SEC22C: variants seen among roughly 807,000 people sequenced by gnomAD.
The protein encoded by SEC22C is vesicle-trafficking protein SEC22c.
A neutral mutation model predicts 34.7 loss-of-function variants in SEC22C; 29 were observed. The observed-to-expected ratio is 0.84, with a 90% CI of 0.62 to 1.14. The LOEUF (loss-of-function observed/expected upper bound fraction) is 1.14, where lower values mean the gene tolerates loss of function less well. Among genes scored for constraint, SEC22C ranks in the 50% most tolerant of loss-of-function variants. SEC22C has a pLI of 0.00. For synonymous variants in SEC22C, 117 were observed against 132.8 expected (o/e 0.88, Z 0.82); for missense variants, 337 against 369.0 (o/e 0.91, Z 0.71).
At position 42,549,245 on chromosome 3, in the gene SEC22C, C is replaced by T. The variant is rs1702133423; in HGVS notation, c.*4003G>A. On this transcript the variant is annotated 3_prime_UTR_variant, in exon 7 of 7. Transcript: ENST00000264454. ...CTGAACAGGGGCTTGCCAGGCACAT[C>T]TGATCACCATAAATGCTCCCACCCC... 1 of 986,544 alleles carries T rather than the reference C, an allele frequency of 1.0e-6. No homozygotes were observed. Among genetic ancestry groups the T allele is most frequent in the Non-Finnish European group, 1.2e-6 (1 of 830,664 alleles). The allele number at this position is 986,544 out of a possible 1,614,324, so 61.1% of individuals were successfully genotyped here.
At chr3:42,593,280 C>T (rs980730373) in intron 1 of SEC22C, among the ~76,000 whole-genome samples, 1 of 151,994 alleles carries the variant, frequency 6.6e-6, no homozygotes, top group Admixed American at 6.6e-5. Context: ...ATTAGCCAGG[C>T]GTGGTGTGTG....
At chr3:42,570,109 G>A (rs1703524568) in intron 1 of SEC22C, among the ~76,000 whole-genome samples, 1 of 152,120 alleles carries the variant, frequency 6.6e-6, no homozygotes, top group African/African-American at 2.4e-5. Context: ...GGATACCAGT[G>A]GACCTCTCTT....
Position 42,563,939 on chromosome 3 carries a change from T to C in SEC22C, c.183-253A>G, listed in dbSNP as rs1236014845. The C allele has an allele frequency of 2.2e-6, 3 of 1,372,088 alleles. No individual in the cohort carries two copies. The African/African-American group carries it at 4.4e-5, about 20-fold the overall frequency. 85.0% of individuals were successfully genotyped at this position (1,372,088 alleles called of 1,614,324 possible). ...CTCTTATTTATTCATGCATGAGGGA[T>C]GCATATTCTATTGGGGGAATTAGCC... is the stretch of plus-strand genomic sequence containing the variant. On this transcript the variant is annotated intron_variant, in intron 2 of 6. Coordinates refer to ENST00000264454, the MANE Select transcript of SEC22C (RefSeq NM_032970.4).
chr3:42,585,941 C>G (rs530570585), upstream of SEC22C, among the ~76,000 whole-genome samples: 246 of 152,004 alleles, frequency 1.6e-3, no homozygotes, highest in Middle Eastern at 3.4e-3. Context: ...CACTCTTCAA[C>G]CCCCCCTCCC....
chr3:42,566,539 C>T (rs896978437), intron 2 of SEC22C, among the ~76,000 whole-genome samples: 4 of 151,946 alleles, frequency 2.6e-5, no homozygotes, highest in Admixed American at 6.6e-5. Context: ...ATTAGCCAGG[C>T]GTGGTGGTGG....
chr3:42,575,955 C>A (rs1370463580), intron 1 of SEC22C, among the ~76,000 whole-genome samples: 2 of 151,938 alleles, frequency 1.3e-5, no homozygotes, highest in Non-Finnish European at 2.9e-5. Flanking sequence ...CAAGATAGAC[C>A]ATATCCTGGA....
Position 42,550,576 on chromosome 3 carries a change from T to A in SEC22C, c.*2672A>T, listed in dbSNP as rs914846283. On this transcript the variant is annotated 3_prime_UTR_variant, in exon 7 of 7. Transcript: ENST00000264454. ...ACAATGTTTTTGTGGTCATTACTTG[T>A]ACTGTTTTTCTAGTGCATCTTTTCC... 2 of 985,344 alleles carry A rather than the reference T, an allele frequency of 2.0e-6. No homozygotes were observed. The highest frequency in any genetic ancestry group is 3.5e-5 in the African/African-American group (2 of 57,242). The allele number at this position is 985,344 out of a possible 1,614,324, so 61.0% of individuals were successfully genotyped here. A position where few individuals can be genotyped will look rare whatever the true frequency, so the allele number is the denominator to read the frequency against.
At chr3:42,595,671 T>C (rs1358344770) in intron 1 of SEC22C, among the ~76,000 whole-genome samples, 1 of 152,224 alleles carries the variant, frequency 6.6e-6, no homozygotes, top group African/African-American at 2.4e-5. Context: ...CTCTTGGAGA[T>C]TTATCTGAAA....
At chr3:42,596,746 G>A (rs1295276985) in intron 1 of SEC22C, among the ~76,000 whole-genome samples, 1 of 152,194 alleles carries the variant, frequency 6.6e-6, no homozygotes, top group Non-Finnish European at 1.5e-5. Flanking sequence ...TTAGAAAGGA[G>A]ATATTTTATC....
chr3:42,549,539 T>C lies in SEC22C; in HGVS notation c.*3709A>G. 1 of 978,570 alleles carries C rather than the reference T, an allele frequency of 1.0e-6. No individual in the cohort carries two copies. The highest frequency in any genetic ancestry group is 1.2e-6 in the Non-Finnish European group (1 of 829,418). The allele number at this position is 978,570 out of a possible 1,614,324, so 60.6% of individuals were successfully genotyped here. ...TGGCCTGCTGGCTATTGTCTCTGAC[T>C]CTGAGCTGTGCTGACCACCAAGTGT... On this transcript the variant is annotated 3_prime_UTR_variant, in exon 7 of 7. Coordinates refer to ENST00000264454, the MANE Select transcript of SEC22C (RefSeq NM_032970.4).
intron 1 of SEC22C, among the ~76,000 whole-genome samples, chr3:42,578,283 G>A (rs560657702): frequency 6.6e-6 from 1 of 152,254 alleles, no homozygotes; most frequent in African/African-American, 2.4e-5. Context: ...TGGATCTCAA[G>A]TGCATTATGC....
chr3:42,578,806 C>T (rs1704130590), intron 1 of SEC22C, among the ~76,000 whole-genome samples: 1 of 152,104 alleles, frequency 6.6e-6, no homozygotes, highest in Non-Finnish European at 1.5e-5. Flanking sequence ...TTTTAAATAT[C>T]CCCACCAATA....
In SEC22C at chr3:42,553,393, A is replaced by G; in HGVS notation, c.767T>C (p.Leu256Pro). The change falls in exon 7 of 7, where the codon CTG becomes CCG. Residue 256 changes from leucine to proline, a missense_variant. Transcript: ENST00000264454. ...PARTMKVVLM[L>P]LFICLGNMYL... ...CATGTTGCCCAGGCAAATAAAGAGCAGCATAAGCACCACCTTCATAGTCCT... is the reference window on the plus strand; with the variant it reads ...CATGTTGCCCAGGCAAATAAAGAGCGGCATAAGCACCACCTTCATAGTCCT... The G allele has an allele frequency of 6.2e-7, 1 of 1,614,178 alleles. No individual in the cohort carries two copies.
chr3:42,599,605 T>A (rs1484825417), intron 1 of SEC22C, among the ~76,000 whole-genome samples: 2 of 148,238 alleles, frequency 1.3e-5, no homozygotes, highest in African/African-American at 5.0e-5. Flanking sequence ...GGCAGGAGAA[T>A]GGCGTGAACC....
rs1010434962 is a variant in SEC22C at position 42,549,924 on chromosome 3, A to G, written c.*3324T>C. On this transcript the variant is annotated 3_prime_UTR_variant, in exon 7 of 7. Coordinates refer to ENST00000264454, the MANE Select transcript of SEC22C (RefSeq NM_032970.4). ...CTTATGGTCACATGCCTCCAGCTGC[A>G]GGCAGTGGGGCCTCTGGTACTGAGA... The G allele has an allele frequency of 8.1e-6, 8 of 985,366 alleles. No individual in the cohort carries two copies. The highest frequency in any genetic ancestry group is 8.4e-6 in the Non-Finnish European group (7 of 829,946). The allele number at this position is 985,366 out of a possible 1,614,324, so 61.0% of individuals were successfully genotyped here. A position where few individuals can be genotyped will look rare whatever the true frequency, so the allele number is the denominator to read the frequency against.
At chr3:42,561,457 C>A (rs1271381436) in intron 3 of SEC22C, among the ~76,000 whole-genome samples, 161 bp from the exon 4 acceptor site, 2 of 152,130 alleles carry the variant, frequency 1.3e-5, no homozygotes, top group Non-Finnish European at 2.9e-5. Flanking sequence ...CTCACTGCAG[C>A]CTTGACCTCC....
intron 1 of SEC22C, among the ~76,000 whole-genome samples, chr3:42,598,196 GGATA>G (rs1705088815): frequency 6.6e-6 from 1 of 151,998 alleles, no homozygotes; most frequent in Admixed American, 6.6e-5. Context: ...ACATATGAAT[GGATA>G]GACAAAATAT....
At chr3:42,586,664 C>T (rs919508095), upstream of SEC22C, among the ~76,000 whole-genome samples, 5 of 151,842 alleles carry the variant, frequency 3.3e-5, no homozygotes, top group Non-Finnish European at 7.4e-5. Context: ...TCCCCTCAGT[C>T]TCCATTGCAG....
chr3:42,586,229 TTTG>T (rs948353460), upstream of SEC22C, among the ~76,000 whole-genome samples: 1 of 152,112 alleles, frequency 6.6e-6, no homozygotes, highest in Admixed American at 6.5e-5. Flanking sequence ...TCCTTGTTCT[TTTG>T]TTGTTGTTGT....
Sources: allele counts gnomAD v4.1 joint callset (sites outside exome capture counted in the v4.1 genomes callset), GRCh38; gene constraint gnomAD v4.1.1; transcripts MANE v1.5; gene names NCBI Gene and HGNC (gene_info 2026-07-23, HGNC 2026-07-21).